SLC1A1: variants seen among roughly 807,000 people sequenced by gnomAD.
SLC1A1 encodes the protein excitatory amino acid transporter 3.
A neutral mutation model predicts 53.3 loss-of-function variants in SLC1A1; 43 were observed. That is an observed-to-expected ratio of 0.81 (90% CI 0.63 to 1.04). The LOEUF (loss-of-function observed/expected upper bound fraction) is 1.04. Among genes scored for constraint, SLC1A1 ranks in the 50% least tolerant of loss-of-function variants. The pLI is 0.00. For synonymous variants in SLC1A1, 307 were observed against 243.2 expected, an observed-to-expected ratio of 1.26 and a Z score of -2.44; for missense variants, 748 against 664.9, an observed-to-expected ratio of 1.12 and a Z score of -1.37.
intron 3 of SLC1A1, among the ~76,000 whole-genome samples, chr9:4,563,135 AG>A (rs374859105): frequency 6.7e-4 from 89 of 133,786 alleles, no homozygotes; most frequent in African/African-American, 2.5e-3. Flanking sequence ...AGAAAAAAAA[AG>A]AGAGAGAGAG....
At chr9:4,506,067 C>T (rs1329906265) in intron 1 of SLC1A1, among the ~76,000 whole-genome samples, 1 of 152,164 alleles carries the variant, frequency 6.6e-6, no homozygotes, top group Non-Finnish European at 1.5e-5. Flanking sequence ...CTCAAGTGAT[C>T]CACTCACCTC....
chr9:4,559,709 G>A (rs1404807164), intron 2 of SLC1A1: 2 of 152,078 alleles, frequency 1.3e-5, no homozygotes, highest in African/African-American at 4.8e-5. Context: ...ATGGTTATGG[G>A]ACAACTCATG....
intron 1 of SLC1A1, among the ~76,000 whole-genome samples, chr9:4,505,562 G>A (rs1283123350): frequency 6.6e-6 from 1 of 152,252 alleles, no homozygotes; most frequent in Non-Finnish European, 1.5e-5. Flanking sequence ...GTTGTGCCTT[G>A]TGGATTTCCA....
chr9:4,559,518 T>C (rs1018707726), intron 2 of SLC1A1, among the ~76,000 whole-genome samples: 1 of 151,690 alleles, frequency 6.6e-6, no homozygotes, highest in Non-Finnish European at 1.5e-5. Context: ...TGTATGATTA[T>C]ATATGAGAAG....
chr9:4,540,508 T>C (rs919432788), intron 1 of SLC1A1, among the ~76,000 whole-genome samples: 5 of 152,168 alleles, frequency 3.3e-5, no homozygotes, highest in Admixed American at 3.3e-4. Context: ...AAAAGAGCGC[T>C]GACTAAAACA....
intron 1 of SLC1A1, among the ~76,000 whole-genome samples, chr9:4,536,570 C>T (rs1192658573): frequency 1.3e-4 from 20 of 152,200 alleles, no homozygotes; most frequent in East Asian, 3.9e-4. Context: ...TGTGGAGAAA[C>T]AGGAACACTT....
Position 4,528,836 on chromosome 9 carries a change from G to A in SLC1A1, c.92-15731G>A, listed in dbSNP as rs150644179. 3.3e-3 allele frequency among the ~76,000 whole-genome samples: 502 copies of A among 152,060 alleles called. 1 individual carries two copies. The highest frequency in any genetic ancestry group is 0.02 in the Middle Eastern group (6 of 294). ...ACCCTTATCAACACACTTCATCCACGTCTCTTTCTTGTGCTCTATACACAC... is the reference window on the plus strand; with the variant it reads ...ACCCTTATCAACACACTTCATCCACATCTCTTTCTTGTGCTCTATACACAC... On this transcript the variant is annotated intron_variant, in intron 1 of 11. Coordinates refer to ENST00000262352, the MANE Select transcript of SLC1A1 (RefSeq NM_004170.6).
chr9:4,500,161 G>T (rs1820582947), intron 1 of SLC1A1, among the ~76,000 whole-genome samples: 1 of 152,194 alleles, frequency 6.6e-6, no homozygotes. Context: ...AATTTCCCGT[G>T]TCGCTGGAGA....
chr9:4,505,464 G>C (rs1201438276), intron 1 of SLC1A1, among the ~76,000 whole-genome samples: 1 of 152,062 alleles, frequency 6.6e-6, no homozygotes, highest in Non-Finnish European at 1.5e-5. Context: ...TTTTATGAAG[G>C]TTTAGAAATG....
In SLC1A1 at chr9:4,536,636, G is replaced by A. The variant is rs566291739; in HGVS notation, c.92-7931G>A. On this transcript the variant is annotated intron_variant, in intron 1 of 11. Coordinates refer to ENST00000262352, the MANE Select transcript of SLC1A1 (RefSeq NM_004170.6). ...CAACCATTGTGGAAGTCAGTGTGGCGATTCCTCAGGGATCTTGAACTAGAA... is the reference window on the plus strand; with the variant it reads ...CAACCATTGTGGAAGTCAGTGTGGCAATTCCTCAGGGATCTTGAACTAGAA... 9.8e-5 allele frequency among the ~76,000 whole-genome samples: 15 copies of A among 152,310 alleles called. No individual in the cohort carries two copies. The South Asian group carries it at 1.0e-3, about 11-fold the overall frequency.
chr9:4,509,416 G>A (rs1047235255), intron 1 of SLC1A1, among the ~76,000 whole-genome samples: 3 of 152,116 alleles, frequency 2.0e-5, no homozygotes, highest in African/African-American at 4.8e-5. Flanking sequence ...GAATAACTGG[G>A]AAGCTATTAG....
chr9:4,529,943 C>T (rs1816405190), intron 1 of SLC1A1, among the ~76,000 whole-genome samples: 1 of 152,134 alleles, frequency 6.6e-6, no homozygotes, highest in South Asian at 2.1e-4. Flanking sequence ...TGAATGCTAC[C>T]AGGTGATAAA....
intron 1 of SLC1A1, among the ~76,000 whole-genome samples, chr9:4,518,737 C>A (rs1445548503): frequency 6.6e-6 from 1 of 152,224 alleles, no homozygotes; most frequent in Non-Finnish European, 1.5e-5. Context: ...ACTCTGCTGC[C>A]TCTACCACCT....
intron 1 of SLC1A1, among the ~76,000 whole-genome samples, chr9:4,544,112 G>A (rs1817252576): frequency 6.6e-6 from 1 of 152,180 alleles, no homozygotes; most frequent in East Asian, 1.9e-4. Context: ...GAAGGTTGAG[G>A]CTGCAGTGAG....
At position 4,572,312 on chromosome 9, in the gene SLC1A1, G is replaced by A; in HGVS notation, c.691G>A (p.Glu231Lys). The A allele has an allele frequency of 1.2e-6, 2 of 1,614,150 alleles. No individual in the cohort carries two copies. The highest frequency in any genetic ancestry group is 2.2e-5 in the East Asian group (1 of 44,874). The change falls in exon 7 of 12, where the codon GAA becomes AAA. Residue 231 changes from glutamate to lysine, a missense_variant. By Grantham distance (56) the Glu-to-Lys change is moderately conservative. Coordinates refer to ENST00000262352, the MANE Select transcript of SLC1A1 (RefSeq NM_004170.6). ...TGGACTTGTCATTGGAAAAATGGGA[G>A]AAAAGGGACAAATTCTGGTGGATTT... Reference protein sequence around the residue: ...VFGLVIGKMGEKGQILVDFFN... With the variant: ...VFGLVIGKMGKKGQILVDFFN...
At chr9:4,499,596 G>T (rs1381455408) in intron 1 of SLC1A1, among the ~76,000 whole-genome samples, 1 of 151,972 alleles carries the variant, frequency 6.6e-6, no homozygotes, top group Non-Finnish European at 1.5e-5. Context: ...CCAACAAAAT[G>T]ATCTAAACAC....
At chr9:4,527,747 A>G (rs1166710245) in intron 1 of SLC1A1, among the ~76,000 whole-genome samples, 1 of 151,916 alleles carries the variant, frequency 6.6e-6, no homozygotes, top group Non-Finnish European at 1.5e-5. Flanking sequence ...TTTTGAGACC[A>G]TTTTCTTACC....
At chr9:4,574,794 A>C (rs1820392724) in intron 8 of SLC1A1, among the ~76,000 whole-genome samples, 1 of 152,214 alleles carries the variant, frequency 6.6e-6, no homozygotes, top group Non-Finnish European at 1.5e-5. Context: ...ACAAACACCC[A>C]ACTTGAGCAA....
intron 1 of SLC1A1, among the ~76,000 whole-genome samples, chr9:4,504,209 T>C (rs1402101461): frequency 1.3e-5 from 2 of 152,214 alleles, no homozygotes; most frequent in Non-Finnish European, 2.9e-5. Context: ...TTTTCCATAA[T>C]TGGGCTACAG....
Sources: allele counts gnomAD v4.1 joint callset (sites outside exome capture counted in the v4.1 genomes callset), GRCh38; gene constraint gnomAD v4.1.1; transcripts MANE v1.5; gene names NCBI Gene and HGNC (gene_info 2026-07-23, HGNC 2026-07-21).